Variants in PCDHA2 observed in about 807,000 individuals in gnomAD.
PCDHA2 encodes protocadherin alpha 2.
PCDHA2 carries 58 observed loss-of-function variants against 66.0 expected under a neutral mutation model. The ratio of observed to expected loss-of-function variants is 0.88; its 90% CI spans 0.71 to 1.09. PCDHA2 has a LOEUF of 1.09. Among genes scored for constraint, PCDHA2 ranks in the 50% least tolerant of loss-of-function variants. The pLI is 0.00. For missense variants in PCDHA2, 1,267 were observed against 1,242.3 expected (o/e 1.02, Z -0.30); for synonymous variants, 634 against 554.0 (o/e 1.14, Z -2.03).
chr5:140,939,269 A>G (rs1167199684), intron 1 of PCDHA2, among the ~76,000 whole-genome samples: 1 of 152,070 alleles, frequency 6.6e-6, no homozygotes, highest in Non-Finnish European at 1.5e-5. Flanking sequence ...CTTTTATGAG[A>G]GCTGTGCCCT....
chr5:140,808,815 C>A (rs782363831), intron 1 of PCDHA2: 5 of 1,612,850 alleles, frequency 3.1e-6, no homozygotes, highest in Middle Eastern at 1.8e-4. Context: ...GCCGGCGTGC[C>A]ACCTCTGGGC....
intron 1 of PCDHA2, chr5:140,811,094 C>T (rs914277897): frequency 1.3e-5 from 2 of 152,078 alleles, no homozygotes; most frequent in Non-Finnish European, 2.9e-5. Flanking sequence ...GTGCCATGTT[C>T]GTTTGCTGCA....
Position 140,829,404 on chromosome 5 carries a change from C to T in PCDHA2, c.2388+32052C>T, listed in dbSNP as rs2150167278. On this transcript the variant is annotated intron_variant, in intron 1 of 3. Transcript: ENST00000526136. The stretch of plus-strand genomic sequence containing the variant: ...GGGGGCTCGCCTTCGCTGTGGGCCA[C>T]CGCCAGCTTGTCTGTGGAGGTGGCC... 9.9e-6 allele frequency: 16 copies of T among 1,613,990 alleles called. No homozygotes were observed. In the Admixed American group the frequency reaches 1.8e-4, roughly 18 times the overall value.
intron 1 of PCDHA2, chr5:140,876,955 G>T (rs782751017): frequency 1.3e-5 from 21 of 1,613,390 alleles, no homozygotes; most frequent in Non-Finnish European, 1.7e-5. Context: ...CTACTCGCTG[G>T]TGGAGCGGCG....
intron 3 of PCDHA2, among the ~76,000 whole-genome samples, chr5:140,989,753 A>G (rs1349273749): frequency 6.6e-6 from 1 of 152,224 alleles, no homozygotes; most frequent in Admixed American, 6.5e-5. Context: ...ATCTGGAGAA[A>G]CATATTCAGT....
intron 1 of PCDHA2, among the ~76,000 whole-genome samples, chr5:140,805,848 T>C (rs1763639170): frequency 6.6e-6 from 1 of 152,198 alleles, no homozygotes; most frequent in Admixed American, 6.5e-5. Flanking sequence ...AGATATGCGA[T>C]CACCTTAAAT....
intron 1 of PCDHA2, chr5:140,842,143 T>C: frequency 6.2e-7 from 1 of 1,613,830 alleles, no homozygotes; most frequent in Non-Finnish European, 8.5e-7. Flanking sequence ...AAGGAGCCAA[T>C]GGGGCAATTT....
chr5:140,829,679 C>A (rs2150172389), intron 1 of PCDHA2: 1 of 1,613,198 alleles, frequency 6.2e-7, no homozygotes, highest in African/African-American at 1.3e-5. Context: ...GGAGCTAGAG[C>A]TGCTGCAGTT....
rs934481202 is a variant in PCDHA2, at chr5:140,902,279, C to A, written c.2389-76670C>A. On this transcript the variant is annotated intron_variant, in intron 1 of 3. Coordinates refer to ENST00000526136, the MANE Select transcript of PCDHA2 (RefSeq NM_018905.3). ...TCTCGAACTCCTGGGCTCAAGCAATCCTCCTGCCTCAGCCTCCCAAAGTGC... is the reference window on the plus strand; with the variant it reads ...TCTCGAACTCCTGGGCTCAAGCAATACTCCTGCCTCAGCCTCCCAAAGTGC... Among the ~76,000 whole-genome samples the A allele has an allele frequency of 2.7e-5, 4 of 148,452 alleles. No individual in the cohort carries two copies. The Admixed American group carries it at 2.7e-4, about 10-fold the overall frequency.
At chr5:140,880,258 A>G (rs1278819523) in intron 1 of PCDHA2, among the ~76,000 whole-genome samples, 3 of 152,246 alleles carry the variant, frequency 2.0e-5, no homozygotes. Flanking sequence ...GTATGTATAC[A>G]TATTTTAGTT....
At chr5:140,850,689 T>A in intron 1 of PCDHA2, 2 of 1,594,932 alleles carry the variant, frequency 1.3e-6, no homozygotes, top group Non-Finnish European at 1.7e-6. Context: ...CGAGGGCGAG[T>A]GCGCGCCTGG....
chr5:140,863,212 C>A, intron 1 of PCDHA2: 1 of 1,051,288 alleles, frequency 9.5e-7, no homozygotes, highest in Non-Finnish European at 1.4e-6. Flanking sequence ...GGAGAGCAGC[C>A]AAGCGAGGAA....
chr5:140,937,648 CACGCCTGTAATCCCAGCACT>C (rs1554211703), intron 1 of PCDHA2, among the ~76,000 whole-genome samples: 3 of 150,626 alleles, frequency 2.0e-5, no homozygotes, highest in South Asian at 4.2e-4. Flanking sequence ...CATGGTGGCT[CACGCCTGTAATCCCAGCACT>C]TTGGGAGGCT....
At chr5:140,933,663 C>G (rs1340033934) in intron 1 of PCDHA2, among the ~76,000 whole-genome samples, 4 of 152,128 alleles carry the variant, frequency 2.6e-5, no homozygotes, top group African/African-American at 7.2e-5. Context: ...GTCTCTCTCT[C>G]TGTCTCTCTC....
intron 1 of PCDHA2, chr5:140,967,630 C>T (rs1278035224): frequency 3.7e-6 from 6 of 1,613,982 alleles, no homozygotes; most frequent in Non-Finnish European, 5.1e-6. Context: ...ATGAGGGCTC[C>T]AATGGTGAGC....
At chr5:140,942,221 G>A (rs1238547021) in intron 1 of PCDHA2, among the ~76,000 whole-genome samples, 1 of 152,046 alleles carries the variant, frequency 6.6e-6, no homozygotes, top group African/African-American at 2.4e-5. Context: ...TATTTAAAAT[G>A]TGTAGGCAAA....
At chr5:140,823,138 G>A in intron 1 of PCDHA2, 1 of 1,613,824 alleles carries the variant, frequency 6.2e-7, no homozygotes, top group Non-Finnish European at 8.5e-7. Context: ...TCCGGCGTTC[G>A]CGCAGCCCCA....
At position 140,795,804 on chromosome 5, in the gene PCDHA2, A is replaced by C. The variant is rs781883265; in HGVS notation, c.840A>C (p.Ser280=). 1.2e-6 allele frequency: 2 copies of C among 1,613,596 alleles called. No homozygotes were observed. The highest frequency in any genetic ancestry group is 1.7e-5 in the Admixed American group (1 of 60,010). ...DEGPNSEIVY[S]LGSDVSSTIQ... is the part of the protein sequence containing the mutation. Reference sequence around the variant, plus strand: ...GACCGAACAGCGAGATTGTGTATTCACTCGGTAGTGATGTGTCCTCCACTA... The same window carrying C: ...GACCGAACAGCGAGATTGTGTATTCCCTCGGTAGTGATGTGTCCTCCACTA... The change falls in exon 1 of 4, where the codon TCA becomes TCC. Residue 280 remains serine, a synonymous_variant. Transcript: ENST00000526136.
intron 1 of PCDHA2, among the ~76,000 whole-genome samples, chr5:140,955,267 T>C (rs1189039296): frequency 6.6e-6 from 1 of 152,140 alleles, no homozygotes; most frequent in Non-Finnish European, 1.5e-5. Context: ...AGGCTCTTTT[T>C]TGGTTCCATA....
Sources: allele counts gnomAD v4.1 joint callset (sites outside exome capture counted in the v4.1 genomes callset), GRCh38; gene constraint gnomAD v4.1.1; transcripts MANE v1.5; gene names NCBI Gene and HGNC (gene_info 2026-07-23, HGNC 2026-07-21).